KCNJ6: variants seen among roughly 807,000 people sequenced by gnomAD.
KCNJ6 encodes potassium inwardly rectifying channel subfamily J member 6, also known as G protein-activated inward rectifier potassium channel 2.
Under a neutral mutation model 34.2 loss-of-function variants are expected in KCNJ6, and 9 were observed. The ratio of observed to expected loss-of-function variants is 0.26; its 90% CI spans 0.16 to 0.46. The LOEUF is 0.46. Ranked by LOEUF, KCNJ6 falls within the 20% of genes least tolerant of loss-of-function variation. The pLI, the probability that KCNJ6 is intolerant of heterozygous loss-of-function variation, is 1.00. For synonymous variants in KCNJ6, 196 were observed against 207.1 expected, an observed-to-expected ratio of 0.95 and a Z score of 0.46; for missense variants, 236 against 531.3, an observed-to-expected ratio of 0.44 and a Z score of 5.46.
chr21:37,845,940 C>T (rs2055504593), intron 1 of KCNJ6, among the ~76,000 whole-genome samples: 1 of 151,958 alleles, frequency 6.6e-6, no homozygotes, highest in Admixed American at 6.5e-5. Context: ...TATTGTTGTA[C>T]ATTTAATAAA....
chr21:37,772,091 C>T (rs937517639), intron 2 of KCNJ6, among the ~76,000 whole-genome samples: 1 of 152,124 alleles, frequency 6.6e-6, no homozygotes, highest in African/African-American at 2.4e-5. Flanking sequence ...ATTAGCTTGC[C>T]TTTTACTTCA....
intron 3 of KCNJ6, among the ~76,000 whole-genome samples, chr21:37,652,019 T>G (rs1384701016): frequency 6.6e-6 from 1 of 152,162 alleles, no homozygotes; most frequent in Non-Finnish European, 1.5e-5. Flanking sequence ...TAGCTGATGT[T>G]GTGGAACGTC....
At chr21:37,779,865 C>A (rs2055160807) in intron 2 of KCNJ6, among the ~76,000 whole-genome samples, 2 of 152,156 alleles carry the variant, frequency 1.3e-5, no homozygotes, top group African/African-American at 4.8e-5. Context: ...CAGTGTATGT[C>A]TCTGGATGTG....
At chr21:37,655,082 G>T (rs2054451549) in intron 3 of KCNJ6, among the ~76,000 whole-genome samples, 1 of 152,156 alleles carries the variant, frequency 6.6e-6, no homozygotes, top group East Asian at 1.9e-4. Flanking sequence ...TGGAAGAAGA[G>T]AAGGTCCTGG....
chr21:37,723,473 T>G (rs1021948067), intron 2 of KCNJ6, among the ~76,000 whole-genome samples: 6 of 152,228 alleles, frequency 3.9e-5, no homozygotes, highest in Admixed American at 3.9e-4. Flanking sequence ...TGCATTTGTA[T>G]GTTCATCGCA....
At chr21:37,709,039 G>C (rs1183813198) in intron 3 of KCNJ6, among the ~76,000 whole-genome samples, 1 of 152,158 alleles carries the variant, frequency 6.6e-6, no homozygotes, top group Non-Finnish European at 1.5e-5. Flanking sequence ...TTTGATTTCA[G>C]AATTGTTTTG....
chr21:37,870,125 T>C (rs1268298305), intron 1 of KCNJ6, among the ~76,000 whole-genome samples: 1 of 152,196 alleles, frequency 6.6e-6, no homozygotes, highest in Non-Finnish European at 1.5e-5. Flanking sequence ...ACAGGAGCTG[T>C]AGCCAGATGA....
At chr21:37,718,602 T>C (rs1353490986) in intron 2 of KCNJ6, among the ~76,000 whole-genome samples, 1 of 147,906 alleles carries the variant, frequency 6.8e-6, no homozygotes, top group Admixed American at 6.8e-5. Context: ...TTCTCATAGG[T>C]GGGAATTGAA....
At chr21:37,726,097 G>A (rs576411348) in intron 2 of KCNJ6, among the ~76,000 whole-genome samples, 1 of 152,148 alleles carries the variant, frequency 6.6e-6, no homozygotes, top group African/African-American at 2.4e-5. Context: ...GTAGAGATGG[G>A]GTTTCACCAT....
chr21:37,831,771 G>A lies in KCNJ6; in HGVS notation c.25+8887C>T, dbSNP rs1325543412. ...GGGCACACGGTCCTGGGGCAAAGGAGGCAGGGGAATGCGCAAGGAGGGGAA... is the reference window on the plus strand; with the variant it reads ...GGGCACACGGTCCTGGGGCAAAGGAAGCAGGGGAATGCGCAAGGAGGGGAA... On this transcript the variant is annotated intron_variant, in intron 2 of 3. Transcript: ENST00000609713. 3.9e-5 allele frequency among the ~76,000 whole-genome samples: 6 copies of A among 152,186 alleles called. No individual in the cohort carries two copies. In the East Asian group the frequency reaches 5.8e-4, roughly 15 times the overall value.
At chr21:37,651,915 T>G (rs1218717075) in intron 3 of KCNJ6, among the ~76,000 whole-genome samples, 1 of 152,222 alleles carries the variant, frequency 6.6e-6, no homozygotes, top group Admixed American at 6.5e-5. Context: ...CTTGTAACCT[T>G]ATTTTCAACC....
At position 37,622,596 on chromosome 21, in the gene KCNJ6, TTC is replaced by T. The variant is rs1457235615; in HGVS notation, c.*2561_*2562del. The stretch of plus-strand genomic sequence containing the variant: ...TTACAAAAACGAGATTTGGTTCAAG[TTC>T]TGTCTCCAACTACATTGACAACAAA... On this transcript the variant is annotated 3_prime_UTR_variant, in exon 4 of 4. Coordinates refer to ENST00000609713, the MANE Select transcript of KCNJ6 (RefSeq NM_002240.5). 1 of 152,192 alleles carries T rather than the reference TTC, an allele frequency of 6.6e-6. No homozygotes were observed. Among genetic ancestry groups the T allele is most frequent in the Non-Finnish European group, 1.5e-5 (1 of 68,030 alleles). The allele number at this position is 152,192 out of a possible 1,614,324, so 9.4% of individuals were successfully genotyped here. A position where few individuals can be genotyped will look rare whatever the true frequency, so the allele number is the denominator to read the frequency against.
Position 37,703,122 on chromosome 21 carries a change from C to G in KCNJ6, c.946+11089G>C, listed in dbSNP as rs78925170. 8.6e-3 allele frequency among the ~76,000 whole-genome samples: 1,304 copies of G among 152,116 alleles called. 27 individuals carry two copies. Among genetic ancestry groups the G allele is most frequent in the African/African-American group, 0.03 (1,246 of 41,498 alleles). On this transcript the variant is annotated intron_variant, in intron 3 of 3. Coordinates refer to ENST00000609713, the MANE Select transcript of KCNJ6 (RefSeq NM_002240.5). The stretch of plus-strand genomic sequence containing the variant: ...CCAAAAGAAGTATAGTTTTGTTTTT[C>G]TTTGTTTGTTCTTTGAGGTGGTGGA...
chr21:37,837,248 T>C (rs1448848445), intron 2 of KCNJ6, among the ~76,000 whole-genome samples: 1 of 152,204 alleles, frequency 6.6e-6, no homozygotes, highest in Non-Finnish European at 1.5e-5. Context: ...TAATGTGACG[T>C]AAAATATTTT....
At chr21:37,892,799 G>C (rs1294675594) in intron 1 of KCNJ6, among the ~76,000 whole-genome samples, 1 of 151,996 alleles carries the variant, frequency 6.6e-6, no homozygotes, top group East Asian at 1.9e-4. Context: ...CACTATACAG[G>C]AGAGTGAGAA....
chr21:37,681,395 T>C (rs996811268), intron 3 of KCNJ6, among the ~76,000 whole-genome samples: 3 of 152,248 alleles, frequency 2.0e-5, no homozygotes, highest in Non-Finnish European at 2.9e-5. Context: ...CTTGCCAAGT[T>C]CCTCTGATGT....
At chr21:37,897,400 C>A (rs1401641761) in intron 1 of KCNJ6, among the ~76,000 whole-genome samples, 2 of 152,200 alleles carry the variant, frequency 1.3e-5, no homozygotes, top group East Asian at 1.9e-4. Flanking sequence ...GCAGAGGGAG[C>A]CTCAGCCCAA....
chr21:37,676,799 G>A (rs67739865), intron 3 of KCNJ6, among the ~76,000 whole-genome samples: 53,791 of 152,144 alleles, frequency 0.35, 9,738 homozygotes, highest in African/African-American at 0.41. Context: ...CTTGCAAGGC[G>A]CAGGATGGCC....
intron 3 of KCNJ6, among the ~76,000 whole-genome samples, chr21:37,704,529 C>T (rs537308181): frequency 3.3e-5 from 5 of 152,290 alleles, no homozygotes; most frequent in South Asian, 2.1e-4. Context: ...CTCCATTATC[C>T]GTCCGCTTTC....
Sources: allele counts gnomAD v4.1 joint callset (sites outside exome capture counted in the v4.1 genomes callset), GRCh38; gene constraint gnomAD v4.1.1; transcripts MANE v1.5; gene names NCBI Gene and HGNC (gene_info 2026-07-23, HGNC 2026-07-21).